POU6F2: variants seen among roughly 807,000 people sequenced by gnomAD.
POU6F2 encodes POU domain, class 6, transcription factor 2.
A neutral mutation model predicts 71.3 loss-of-function variants in POU6F2; 31 were observed. The ratio of observed to expected loss-of-function variants is 0.43; its 90% confidence interval spans 0.33 to 0.59. POU6F2 has a LOEUF of 0.59. POU6F2 is among the 20% of genes least tolerant of loss of function. The pLI, the probability that POU6F2 is intolerant of heterozygous loss-of-function variation, is 0.04. For missense variants in POU6F2, 783 were observed against 856.8 expected (o/e 0.91, Z 1.07); for synonymous variants, 347 against 355.7 (o/e 0.98, Z 0.27).
intron 4 of POU6F2, among the ~76,000 whole-genome samples, chr7:39,335,971 C>A (rs1230715707): frequency 1.3e-5 from 2 of 152,106 alleles, no homozygotes; most frequent in Non-Finnish European, 2.9e-5. Flanking sequence ...ACAGGACAGC[C>A]CTTGCTGGTG....
At chr7:39,015,772 ATATT>A (rs1192611868) in intron 1 of POU6F2, among the ~76,000 whole-genome samples, 2 of 98,116 alleles carry the variant, frequency 2.0e-5, no homozygotes, top group Non-Finnish European at 3.6e-5. Context: ...TATATTATAT[ATATT>A]ATATATGGTA....
chr7:39,123,269 A>G (rs528095852), intron 2 of POU6F2, among the ~76,000 whole-genome samples: 1 of 152,328 alleles, frequency 6.6e-6, no homozygotes, highest in East Asian at 1.9e-4. Context: ...TGCCTTGATT[A>G]TCTTATGTTC....
intron 4 of POU6F2, among the ~76,000 whole-genome samples, chr7:39,270,887 T>G (rs936572298): frequency 2.0e-5 from 3 of 152,184 alleles, no homozygotes; most frequent in Non-Finnish European, 2.9e-5. Flanking sequence ...TTTCTTCCCC[T>G]TGGCTTCAAA....
intron 4 of POU6F2, among the ~76,000 whole-genome samples, chr7:39,279,036 C>A (rs1336967137): frequency 2.0e-5 from 3 of 152,152 alleles, no homozygotes; most frequent in Admixed American, 1.3e-4. Context: ...TTAGGACTGC[C>A]CAGTCTCCCA....
At chr7:39,279,415 A>T (rs1784519784) in intron 4 of POU6F2, among the ~76,000 whole-genome samples, 1 of 152,218 alleles carries the variant, frequency 6.6e-6, no homozygotes, top group Admixed American at 6.5e-5. Flanking sequence ...GAAAATAATA[A>T]CATCATCCCA....
At chr7:39,143,490 A>C (rs1400317595) in intron 2 of POU6F2, among the ~76,000 whole-genome samples, 1 of 152,232 alleles carries the variant, frequency 6.6e-6, no homozygotes, top group Non-Finnish European at 1.5e-5. Context: ...GATGATAGAG[A>C]ATTCTAAATT....
intron 5 of POU6F2, among the ~76,000 whole-genome samples, chr7:39,355,499 A>T (rs1035824764): frequency 6.6e-6 from 1 of 152,174 alleles, no homozygotes; most frequent in African/African-American, 2.4e-5. Context: ...GAAAAACCCT[A>T]GCCTGAAAGA....
At chr7:39,052,961 C>T (rs1790427014) in intron 1 of POU6F2, among the ~76,000 whole-genome samples, 1 of 152,094 alleles carries the variant, frequency 6.6e-6, no homozygotes, top group South Asian at 2.1e-4. Flanking sequence ...TCAGGATCCC[C>T]AGATTAGCAG....
At chr7:39,435,291 A>C (rs1788213394) in intron 7 of POU6F2, among the ~76,000 whole-genome samples, 1 of 152,150 alleles carries the variant, frequency 6.6e-6, no homozygotes, top group African/African-American at 2.4e-5. Flanking sequence ...CCTCGTCAGC[A>C]TCTATTGTTT....
At chr7:39,406,521 C>T (rs750674145) in intron 5 of POU6F2, 79 bp from the exon 6 acceptor site, 14 of 1,530,090 alleles carry the variant, frequency 9.1e-6, no homozygotes, top group Non-Finnish European at 1.2e-5. Context: ...AGAACTACCT[C>T]CCCAGAGTCA....
At chr7:38,978,441 T>C (rs1788233904) in intron 1 of POU6F2, among the ~76,000 whole-genome samples, 1 of 152,202 alleles carries the variant, frequency 6.6e-6, no homozygotes, top group African/African-American at 2.4e-5. Context: ...ATTTTTCTAA[T>C]GCTGTTCAAT....
At chr7:39,031,710 G>A (rs12674371) in intron 1 of POU6F2, among the ~76,000 whole-genome samples, 50,614 of 151,716 alleles carry the variant, frequency 0.33, 9,039 homozygotes, top group East Asian at 0.74. Context: ...GCAAAACCCC[G>A]TCTCTAATAA....
chr7:39,103,629 C>G (rs1791619569), intron 2 of POU6F2, among the ~76,000 whole-genome samples: 1 of 152,168 alleles, frequency 6.6e-6, no homozygotes, highest in African/African-American at 2.4e-5. Flanking sequence ...AGATCTTTAG[C>G]TTTTTCCTTG....
At chr7:39,303,804 A>G (rs1370496194) in intron 4 of POU6F2, among the ~76,000 whole-genome samples, 2 of 152,228 alleles carry the variant, frequency 1.3e-5, no homozygotes, top group Admixed American at 1.3e-4. Flanking sequence ...ATTCTAAGAA[A>G]TTGTCTTATT....
chr7:39,463,896 G>A (rs1583624694), intron 9 of POU6F2, among the ~76,000 whole-genome samples: 2 of 152,212 alleles, frequency 1.3e-5, no homozygotes, highest in South Asian at 4.1e-4. Flanking sequence ...AGTTTATAGG[G>A]AAAAGGCCTG....
intron 4 of POU6F2, among the ~76,000 whole-genome samples, chr7:39,279,152 C>A (rs958826391): frequency 6.6e-6 from 1 of 152,168 alleles, no homozygotes; most frequent in Non-Finnish European, 1.5e-5. Flanking sequence ...CCCTTCTTTG[C>A]CACTCATCCT....
rs543483551 is a variant in POU6F2, at chr7:39,052,026, T to C, written c.106-33834T>C. Among the ~76,000 whole-genome samples, 52 of 152,196 alleles carry C rather than the reference T, an allele frequency of 3.4e-4. 1 individual carries two copies. In the South Asian group the frequency reaches 0.011, roughly 32 times the overall value. ...CCCTCTTCTACCGATCACTGGCAGG[T>C]GTTGGGGGCTGACTGCTGATTATTT... On this transcript the variant is annotated intron_variant, in intron 1 of 9. Transcript: ENST00000518318.
At chr7:39,227,017 C>CTTTG (rs1341481806) in intron 4 of POU6F2, among the ~76,000 whole-genome samples, 1 of 152,132 alleles carries the variant, frequency 6.6e-6, no homozygotes, top group Non-Finnish European at 1.5e-5. Flanking sequence ...AATGTAAATA[C>CTTTG]TTTGACCTTG....
chr7:39,130,678 G>A (rs1792257513), intron 2 of POU6F2, among the ~76,000 whole-genome samples: 1 of 151,860 alleles, frequency 6.6e-6, no homozygotes, highest in Non-Finnish European at 1.5e-5. Flanking sequence ...TTAAAAATCA[G>A]ATTTTTTTTT....
Sources: gnomAD v4.1 joint callset for allele counts (sites outside exome capture counted in the v4.1 genomes callset) on GRCh38, gnomAD v4.1.1 for gene constraint, MANE v1.5 for transcripts, NCBI Gene and HGNC (gene_info 2026-07-23, HGNC 2026-07-21) for gene names.